SASH1: variants seen among roughly 807,000 people sequenced by gnomAD.
SASH1 encodes the protein SAM and SH3 domain containing 1, also known as SAM and SH3 domain-containing protein 1.
Under a neutral mutation model 125.2 loss-of-function variants are expected in SASH1, and 44 were observed. The ratio of observed to expected loss-of-function variants is 0.35; its 90% CI spans 0.28 to 0.45. SASH1 has a LOEUF of 0.45. Among genes scored for constraint, SASH1 ranks in the 20% least tolerant of loss-of-function variants. The pLI, the probability that SASH1 is intolerant of heterozygous loss-of-function variation, is 1.00. For synonymous variants in SASH1, 639 were observed against 649.1 expected (o/e 0.98, Z 0.24); for missense variants, 1,426 against 1,614.5 (o/e 0.88, Z 2.00).
intron 1 of SASH1, among the ~76,000 whole-genome samples, chr6:148,323,534 A>C (rs1332523508): frequency 3.3e-5 from 5 of 152,208 alleles, no homozygotes; most frequent in African/African-American, 1.2e-4. Context: ...GACGCTGGTC[A>C]CTGGAGTATT....
the SASH1 span, among the ~76,000 whole-genome samples, chr6:148,254,736 G>A: frequency 1.3e-3 from 205 of 152,134 alleles, 1 homozygote; most frequent in Non-Finnish European, 2.2e-3. Flanking sequence ...TGGAGAAATT[G>A]CAACCTCATT....
the SASH1 span, among the ~76,000 whole-genome samples, chr6:148,233,288 C>T: frequency 1.3e-4 from 19 of 151,980 alleles, no homozygotes; most frequent in Non-Finnish European, 1.9e-4. Flanking sequence ...TGTCTGACAC[C>T]GAAGTTCATG....
chr6:148,451,142 A>G (rs1197342569), intron 4 of SASH1, among the ~76,000 whole-genome samples: 7 of 152,192 alleles, frequency 4.6e-5, no homozygotes. Flanking sequence ...GATTTTCTTC[A>G]GTGTCCAGAA....
intron 8 of SASH1, among the ~76,000 whole-genome samples, chr6:148,501,629 C>G (rs544976349): frequency 6.6e-6 from 1 of 152,178 alleles, no homozygotes; most frequent in Non-Finnish European, 1.5e-5. Context: ...TGAAACAATA[C>G]GTTTCTCTGA....
the SASH1 span, among the ~76,000 whole-genome samples, chr6:148,244,957 T>TGA: frequency 1.1e-3 from 155 of 135,730 alleles, no homozygotes; most frequent in African/African-American, 2.9e-3. Context: ...TGTGTGTGTG[T>TGA]GTGAGAGAGA....
At chr6:148,484,628 T>C (rs1272678006) in intron 7 of SASH1, among the ~76,000 whole-genome samples, 4 of 143,684 alleles carry the variant, frequency 2.8e-5, no homozygotes, top group Non-Finnish European at 6.0e-5. Flanking sequence ...ACACTTAGAG[T>C]TGTGTAATTA....
chr6:148,285,945 A>AG (rs35037116), intron 1 of SASH1, among the ~76,000 whole-genome samples: 44,374 of 151,984 alleles, frequency 0.29, 6,541 homozygotes, highest in South Asian at 0.35. Context: ...TAAAGATTGA[A>AG]GTTTAGTTCT....
At position 148,534,888 on chromosome 6, in the gene SASH1, A is replaced by G. The variant is rs767677063; in HGVS notation, c.2082A>G (p.Leu694=). 6.2e-7 allele frequency: 1 copy of G among 1,614,112 alleles called. No homozygotes were observed. The highest frequency in any genetic ancestry group is 1.1e-5 in the South Asian group (1 of 91,078). ...TTCTCTTGACAGCAGTGGAGCTGTTACAAGAGTATGACAGTAAGTCCCTGT... is the reference window on the plus strand; with the variant it reads ...TTCTCTTGACAGCAGTGGAGCTGTTGCAAGAGTATGACAGTAAGTCCCTGT... ...RAVLLTAVEL[L]QEYDSNSDQS... Residue 694 remains leucine (L), a synonymous_variant, in exon 16 of 20, where the codon TTA becomes TTG. Coordinates refer to ENST00000367467, the MANE Select transcript of SASH1 (RefSeq NM_015278.5).
chr6:148,366,526 G>T (rs571944100), intron 1 of SASH1, among the ~76,000 whole-genome samples: 1 of 152,258 alleles, frequency 6.6e-6, no homozygotes, highest in East Asian at 1.9e-4. Context: ...GTATAAGCTC[G>T]GCAAGCATTT....
rs76221519 is a variant in SASH1, at chr6:148,536,906, C to T, written c.2095+2005C>T. 3.0e-3 allele frequency among the ~76,000 whole-genome samples: 454 copies of T among 152,320 alleles called. 1 individual carries two copies. Among genetic ancestry groups the T allele is most frequent in the Non-Finnish European group, 4.7e-3 (321 of 68,024 alleles). On this transcript the variant is annotated intron_variant, in intron 16 of 19. Transcript: ENST00000367467. ...CCTCTTCAGACATTCCATTGTGGAT[C>T]TATTCTGCTCTGGTGTTTAGAACGT...
intron 1 of SASH1, among the ~76,000 whole-genome samples, chr6:148,278,079 C>T (rs1440754821): frequency 1.3e-5 from 2 of 151,916 alleles, no homozygotes; most frequent in East Asian, 3.9e-4. Flanking sequence ...CTCGCTCTCT[C>T]ACCCAGGCTG....
chr6:148,527,467 C>G lies in SASH1; in HGVS notation c.1299C>G (p.Asp433Glu). 1 of 1,599,520 alleles carries G rather than the reference C, an allele frequency of 6.3e-7. No individual in the cohort carries two copies. The highest frequency in any genetic ancestry group is 8.5e-7 in the Non-Finnish European group (1 of 1,176,008). ...TTGTTTTACAGGGTAAAGAAGGAGA[C>G]TTTGTGTACAAAGAAGTCATCAAAT... ...NNSDPMGKEGDFVYKEVIKSP... is the reference protein window; with the variant it reads ...NNSDPMGKEGEFVYKEVIKSP... The change falls in exon 12 of 20, where the codon GAC becomes GAG. Residue 433 changes from aspartate to glutamate, a missense_variant. Physicochemically the swap from Asp to Glu is conservative, Grantham distance 45. Around this residue, in one of 3 missense-constraint regions of SASH1, gnomAD observed 567 missense variants for 575.6 expected, o/e 0.99. Transcript: ENST00000367467.
Position 148,343,122 on chromosome 6 carries a change from C to T in SASH1, c.55C>T (p.Pro19Ser). The T allele has an allele frequency of 1.3e-6, 2 of 1,591,106 alleles. No homozygotes were observed. The highest frequency in any genetic ancestry group is 1.1e-5 in the South Asian group (1 of 90,070). ...GCCGGAGCCTGAGCCCGAGCCCGAG[C>T]CGGAGCCCGAGCCCGCGCCGGAGCC... ...PGPEPEPEPE[P>S]EPEPAPEPEP... is the part of the protein sequence containing the mutation. Residue 19 changes from proline (P) to serine (S), a missense_variant, in exon 1 of 20, where the codon CCG becomes TCG. Around this residue, in one of 3 missense-constraint regions of SASH1, gnomAD observed 567 missense variants for 575.6 expected, o/e 0.99. Coordinates refer to ENST00000367467, the MANE Select transcript of SASH1 (RefSeq NM_015278.5).
intron 1 of SASH1, among the ~76,000 whole-genome samples, chr6:148,371,535 T>C (rs1041459572): frequency 6.6e-6 from 1 of 152,086 alleles, no homozygotes; most frequent in African/African-American, 2.4e-5. Context: ...CCCAAAGTGT[T>C]GGGATTACAG....
chr6:148,489,752 T>C (rs1697724652), intron 8 of SASH1, among the ~76,000 whole-genome samples: 1 of 152,086 alleles, frequency 6.6e-6, no homozygotes, highest in African/African-American at 2.4e-5. Flanking sequence ...TTTTTAAATT[T>C]TTTTCAAATT....
chr6:148,267,365 TTG>T (rs200228547), upstream of SASH1, among the ~76,000 whole-genome samples: 725 of 129,998 alleles, frequency 5.6e-3, 21 homozygotes, highest in Admixed American at 0.045. Flanking sequence ...CAGTACTACT[TTG>T]TGTGTGTGTG....
chr6:148,271,121 G>A (rs6916174), upstream of SASH1, among the ~76,000 whole-genome samples: 4,459 of 152,056 alleles, frequency 0.029, 225 homozygotes, highest in African/African-American at 0.1. Flanking sequence ...TGTTGGTCAG[G>A]CTGGTCTCGA....
chr6:148,262,120 G>A, the SASH1 span, among the ~76,000 whole-genome samples: 6,297 of 150,712 alleles, frequency 0.042, 212 homozygotes, highest in East Asian at 0.18. Flanking sequence ...ACACACACAC[G>A]CACGGGCTTG....
At chr6:148,371,045 A>C (rs940981663) in intron 1 of SASH1, among the ~76,000 whole-genome samples, 5 of 152,106 alleles carry the variant, frequency 3.3e-5, no homozygotes, top group Admixed American at 6.5e-5. Flanking sequence ...GATCTCCTTG[A>C]ATGTTGCTGT....
Sources: allele counts gnomAD v4.1 joint callset (sites outside exome capture counted in the v4.1 genomes callset), GRCh38; gene constraint gnomAD v4.1.1; regional missense constraint gnomAD v4.1.1; transcripts MANE v1.5; gene names NCBI Gene and HGNC (gene_info 2026-07-23, HGNC 2026-07-21).